The following SLMAP variants were observed in gnomAD, a reference collection of about 807,000 sequenced individuals.
The protein encoded by SLMAP is sarcolemmal membrane-associated protein.
A neutral mutation model predicts 128.8 loss-of-function variants in SLMAP; 44 were observed. The observed-to-expected ratio is 0.34, with a 90% CI of 0.27 to 0.44. The LOEUF is 0.44. Ranked by LOEUF, SLMAP falls within the 20% of genes least tolerant of loss-of-function variation. SLMAP has a pLI of 1.00. For synonymous variants in SLMAP, 327 were observed against 348.8 expected (o/e 0.94, Z 0.70); for missense variants, 787 against 985.3 (o/e 0.80, Z 2.69).
intron 3 of SLMAP, among the ~76,000 whole-genome samples, chr3:57,835,405 G>C (rs928938088): frequency 2.0e-5 from 3 of 152,122 alleles, no homozygotes; most frequent in Non-Finnish European, 4.4e-5. Flanking sequence ...GCTGCAGTGA[G>C]CCCTGTTCAT....
intron 2 of SLMAP, among the ~76,000 whole-genome samples, chr3:57,788,461 A>T (rs1232411697): frequency 6.6e-6 from 1 of 152,208 alleles, no homozygotes; most frequent in Non-Finnish European, 1.5e-5. Context: ...TCATCTGGAT[A>T]GAGGGAGATA....
In SLMAP at chr3:57,866,354, C is replaced by A. The variant is rs748979392; in HGVS notation, c.1237+1062C>A. ...ATCATAATAGTTCTTGGGCAGCAAT[C>A]AAACTGGTAGAGTTAGGAGGTGGGT... On this transcript the variant is annotated intron_variant, in intron 13 of 24. Coordinates refer to ENST00000671191, the MANE Select transcript of SLMAP (RefSeq NM_001377540.1). Among the ~76,000 whole-genome samples, 11 of 152,286 alleles carry A rather than the reference C, an allele frequency of 7.2e-5. No individual in the cohort carries two copies. In the South Asian group the frequency reaches 1.5e-3, roughly 20 times the overall value.
chr3:57,899,107 G>C (rs1432081226), intron 17 of SLMAP: 1 of 152,158 alleles, frequency 6.6e-6, no homozygotes, highest in African/African-American at 2.4e-5. Context: ...ATTTCCTATA[G>C]TATTTAGGAA....
intron 14 of SLMAP, among the ~76,000 whole-genome samples, chr3:57,882,806 A>G (rs1349523156): frequency 6.6e-6 from 1 of 152,122 alleles, no homozygotes; most frequent in Non-Finnish European, 1.5e-5. Flanking sequence ...ATAAATTACA[A>G]TCTTCTGATA....
At position 57,831,414 on chromosome 3, in the gene SLMAP, G is replaced by A; in HGVS notation, c.230G>A (p.Gly77Asp). The A allele has an allele frequency of 6.4e-7, 1 of 1,570,486 alleles. No homozygotes were observed. Among genetic ancestry groups the A allele is most frequent in the Non-Finnish European group, 8.6e-7 (1 of 1,159,216 alleles). ...CTTCAAGACACTAAAAGTAGTAATG[G>A]TACTTTTATAAATAGCCAGAGATTG... Reference protein sequence around the residue: ...FYLQDTKSSNGTFINSQRLSR... With the variant: ...FYLQDTKSSNDTFINSQRLSR... Residue 77 changes from glycine to aspartate, a missense_variant, in exon 3 of 25, where the codon GGT (glycine) becomes GAT (aspartate). Coordinates refer to ENST00000671191, the MANE Select transcript of SLMAP (RefSeq NM_001377540.1).
chr3:57,854,023 A>T (rs1577699534), intron 6 of SLMAP, among the ~76,000 whole-genome samples: 1 of 117,266 alleles, frequency 8.5e-6, no homozygotes, highest in Non-Finnish European at 1.7e-5. Context: ...TATATTATAT[A>T]TAATATATAA....
chr3:57,888,192 A>T (rs2095953134), intron 14 of SLMAP, among the ~76,000 whole-genome samples: 2 of 152,180 alleles, frequency 1.3e-5, no homozygotes, highest in African/African-American at 4.8e-5. Flanking sequence ...AACTTGGGCT[A>T]TGTTTGAGAT....
intron 2 of SLMAP, among the ~76,000 whole-genome samples, chr3:57,821,853 G>T (rs1339321611): frequency 6.6e-6 from 1 of 151,788 alleles, no homozygotes; most frequent in Non-Finnish European, 1.5e-5. Flanking sequence ...TTGTTCCTTT[G>T]TTTGGTTTTT....
chr3:57,854,045 A>T (rs867298201), intron 6 of SLMAP, among the ~76,000 whole-genome samples: 1 of 103,360 alleles, frequency 9.7e-6, no homozygotes, highest in Non-Finnish European at 1.9e-5. Context: ...GTGTATATAT[A>T]TACACATAAC....
rs1260450617 is a variant in SLMAP at position 57,786,538 on chromosome 3, T to G, written c.198+28689T>G. Among the ~76,000 whole-genome samples, 5 of 150,906 alleles carry G rather than the reference T, an allele frequency of 3.3e-5. No individual in the cohort carries two copies. In the Admixed American group the frequency reaches 3.3e-4, roughly 10 times the overall value. ...TCAGCTTCGTTCCCAACTTCCCAAG[T>G]GAAAATTATATAGCTTTTTTTTTTT... On this transcript the variant is annotated intron_variant, in intron 2 of 24. Transcript: ENST00000671191.
intron 2 of SLMAP, among the ~76,000 whole-genome samples, chr3:57,764,961 A>G (rs2079385862): frequency 6.6e-6 from 1 of 152,260 alleles, no homozygotes; most frequent in Non-Finnish European, 1.5e-5. Flanking sequence ...GGCAAAGCGC[A>G]AGGTCCTGTG....
chr3:57,898,133 A>G (rs1197949007), intron 17 of SLMAP: 7 of 152,206 alleles, frequency 4.6e-5, no homozygotes, highest in Non-Finnish European at 8.8e-5. Context: ...TTGGGATTAT[A>G]TAAGGAAGGA....
intron 4 of SLMAP, among the ~76,000 whole-genome samples, chr3:57,845,825 TGTATGATTATCTCCCCCCCACC>T (rs2094212692): frequency 6.6e-6 from 1 of 152,062 alleles, no homozygotes; most frequent in Non-Finnish European, 1.5e-5. Context: ...TGGAATTGGT[TGTATGATTATCTCCCCCCCACC>T]TTTTTTTTTT....
chr3:57,800,902 C>A, intron 2 of SLMAP: 1 of 199,020 alleles, frequency 5.0e-6, no homozygotes, highest in East Asian at 1.2e-4. Flanking sequence ...AAGCCAATAC[C>A]AGCTCCCAGG....
chr3:57,903,118 A>G (rs1337708521), intron 17 of SLMAP, among the ~76,000 whole-genome samples: 2 of 152,198 alleles, frequency 1.3e-5, no homozygotes, highest in African/African-American at 4.8e-5. Flanking sequence ...GTTTCTAGTG[A>G]AAGAAAAGAA....
At chr3:57,812,717 CTT>C (rs2153516117) in intron 2 of SLMAP, among the ~76,000 whole-genome samples, 1 of 152,032 alleles carries the variant, frequency 6.6e-6, no homozygotes, top group Admixed American at 6.6e-5. Context: ...TTATTTATGT[CTT>C]TAATTTCTTT....
At chr3:57,910,966 A>G (rs2096679569) in intron 19 of SLMAP, among the ~76,000 whole-genome samples, 2 of 152,162 alleles carry the variant, frequency 1.3e-5, no homozygotes, top group Non-Finnish European at 2.9e-5. Context: ...TTAGAATTTT[A>G]TTTTGGTCAG....
chr3:57,777,033 A>C (rs994624993), intron 2 of SLMAP, among the ~76,000 whole-genome samples: 2 of 150,328 alleles, frequency 1.3e-5, no homozygotes, highest in Non-Finnish European at 3.0e-5. Flanking sequence ...GGTTAAAAAA[A>C]ATTATTGCCA....
chr3:57,869,489 TG>T (rs1214855295), intron 13 of SLMAP, among the ~76,000 whole-genome samples: 2 of 150,940 alleles, frequency 1.3e-5, no homozygotes, highest in Non-Finnish European at 3.0e-5. Context: ...CAGTGGTACA[TG>T]CCTGTTGTCC....
Sources: allele counts gnomAD v4.1 joint callset (sites outside exome capture counted in the v4.1 genomes callset), GRCh38; gene constraint gnomAD v4.1.1; transcripts MANE v1.5; gene names NCBI Gene and HGNC (gene_info 2026-07-23, HGNC 2026-07-21).